JAKMIP1: variants seen among roughly 807,000 people sequenced by gnomAD.
The protein encoded by JAKMIP1 is janus kinase and microtubule-interacting protein 1.
Under a neutral mutation model 113.0 loss-of-function variants are expected in JAKMIP1, and 33 were observed. That is an observed-to-expected ratio of 0.29 (90% CI 0.22 to 0.39). The LOEUF is 0.39. Ranked by LOEUF, JAKMIP1 falls within the 10% of genes least tolerant of loss-of-function variation. The probability of loss-of-function intolerance (pLI) is 1.00; values close to 1 mark genes in which losing one functional copy is unlikely to be tolerated. For synonymous variants in JAKMIP1, 480 were observed against 459.9 expected (o/e 1.04, Z -0.56); for missense variants, 813 against 1,080.5 (o/e 0.75, Z 3.47).
In JAKMIP1 at chr4:6,105,901, T is replaced by C. The variant is rs376076181; in HGVS notation, c.196A>G (p.Thr66Ala). Residue 66 changes from threonine (T) to alanine (A), a missense_variant, in exon 3 of 21, where the codon ACG becomes GCG. Transcript: ENST00000409021. Reference protein sequence around the residue: ...LEREQEQRRHTAYISELKAKL... With the variant: ...LEREQEQRRHAAYISELKAKL... ...GCCTTGAGCTCCGAAATGTAGGCCG[T>C]GTGCCGTCGCTGCTCCTGCTCGCGC... 12 of 1,611,654 alleles carry C rather than the reference T, an allele frequency of 7.4e-6. No homozygotes were observed. The highest frequency in any genetic ancestry group is 1.0e-5 in the Non-Finnish European group (12 of 1,179,644).
rs779873287 is a variant in JAKMIP1 at position 6,152,058 on chromosome 4, G to A, written c.-147-39061C>T. On this transcript the variant is annotated intron_variant, in intron 1 of 20. Coordinates refer to ENST00000409021, the MANE Select transcript of JAKMIP1 (RefSeq NM_001099433.2). ...GTTGGAAAGGAGAAAGGAAGCAGGC[G>A]AAGGAGGAAGGAAGGGAGGGAAGAA... Among the ~76,000 whole-genome samples the A allele has an allele frequency of 7.2e-5, 11 of 151,854 alleles. No individual in the cohort carries two copies. The South Asian group carries it at 1.0e-3, about 14-fold the overall frequency.
rs186692998 is a variant in JAKMIP1 at position 6,108,077 on chromosome 4, G to A, written c.130-2110C>T. Among the ~76,000 whole-genome samples the A allele has an allele frequency of 3.5e-3, 528 of 152,272 alleles. 2 individuals are homozygous for A. Among genetic ancestry groups the A allele is most frequent in the Non-Finnish European group, 5.7e-3 (388 of 68,020 alleles). ...CGTCTAGGGGCTGCTTCCTGGGAGG[G>A]GCAGAGGTGCTGCTGAGGCTGGTGA... On this transcript the variant is annotated intron_variant, in intron 2 of 20. Coordinates refer to ENST00000409021, the MANE Select transcript of JAKMIP1 (RefSeq NM_001099433.2). The surrounding 1 kb of genome is among the most constrained non-coding windows in gnomAD (Gnocchi z 5.6).
At chr4:6,091,556 C>CTGTCTCCATG (rs1578206361) in intron 3 of JAKMIP1, among the ~76,000 whole-genome samples, 1 of 152,218 alleles carries the variant, frequency 6.6e-6, no homozygotes, top group Non-Finnish European at 1.5e-5. Flanking sequence ...CAGTAACCAC[C>CTGTCTCCATG]TGTCCCAGGG....
intron 1 of JAKMIP1, among the ~76,000 whole-genome samples, chr4:6,123,955 G>A (rs764183176): frequency 2.6e-5 from 4 of 152,182 alleles, no homozygotes; most frequent in African/African-American, 9.7e-5. Flanking sequence ...ATAGTTAGAG[G>A]GAGTTTTAAA....
In JAKMIP1 at chr4:6,187,519, C is replaced by A. The variant is rs1335929877; in HGVS notation, c.-148+12734G>T. Among the ~76,000 whole-genome samples the A allele has an allele frequency of 6.6e-6, 1 of 152,198 alleles. No individual in the cohort carries two copies. Among genetic ancestry groups the A allele is most frequent in the Non-Finnish European group, 1.5e-5 (1 of 68,034 alleles). On this transcript the variant is annotated intron_variant, in intron 1 of 20. Coordinates refer to ENST00000409021, the MANE Select transcript of JAKMIP1 (RefSeq NM_001099433.2). This position sits in a 1 kb window ranked among gnomAD's most constrained non-coding sequence, Gnocchi z 4.2. ...AAGTGATTAGGTCACGAGGGCGAGC[C>A]CTCATAAATGAGATTAGTGCCTTTG...
chr4:6,056,626 G>T, intron 12 of JAKMIP1, 71 bp downstream of exon 12: 2 of 1,182,874 alleles, frequency 1.7e-6, no homozygotes, highest in Non-Finnish European at 2.5e-6. Context: ...CACGACCCGT[G>T]TAGTCTGAGC....
At position 6,086,232 on chromosome 4, in the gene JAKMIP1, G is replaced by T. The variant is rs1466034521; in HGVS notation, c.625-603C>A. Among the ~76,000 whole-genome samples the T allele has an allele frequency of 6.6e-6, 1 of 152,116 alleles. No individual in the cohort carries two copies. Among genetic ancestry groups the T allele is most frequent in the South Asian group, 2.1e-4 (1 of 4,824 alleles). On this transcript the variant is annotated intron_variant, in intron 3 of 20. Coordinates refer to ENST00000409021, the MANE Select transcript of JAKMIP1 (RefSeq NM_001099433.2). The surrounding 1 kb of genome is among the most constrained non-coding windows in gnomAD (Gnocchi z 4.1). Reference sequence around the variant, plus strand: ...TTCTATCTTCTTTATAGACTGTCTTGCTCTGGCTCTCATTGAAGCCTGGAG... The same window carrying T: ...TTCTATCTTCTTTATAGACTGTCTTTCTCTGGCTCTCATTGAAGCCTGGAG...
intron 1 of JAKMIP1, among the ~76,000 whole-genome samples, chr4:6,164,287 G>C (rs958854380): frequency 6.6e-6 from 1 of 152,188 alleles, no homozygotes; most frequent in East Asian, 1.9e-4. Flanking sequence ...AGGGCCCTGT[G>C]CTCTAAAAAT....
At chr4:6,072,524 G>GC (rs927101707) in intron 8 of JAKMIP1, among the ~76,000 whole-genome samples, 10 of 152,250 alleles carry the variant, frequency 6.6e-5, no homozygotes, top group African/African-American at 1.7e-4. Flanking sequence ...ACAAGCCCTC[G>GC]CCCCTCCCAG....
At position 6,105,385 on chromosome 4, in the gene JAKMIP1, C is replaced by T. The variant is rs1713727768; in HGVS notation, c.624+88G>A. 4 of 1,341,030 alleles carry T rather than the reference C, an allele frequency of 3.0e-6. No individual in the cohort carries two copies. In the South Asian group the frequency reaches 4.2e-5, roughly 14 times the overall value. 83.1% of individuals were successfully genotyped at this position (1,341,030 alleles called of 1,614,324 possible). A position where few individuals can be genotyped will look rare whatever the true frequency, so the allele number is the denominator to read the frequency against. ...AGTGCTTTGAACAATGCCTGGAGCA[C>T]AGCAGGTCCTCGGAGCTCCGCATTT... On this transcript the variant is annotated intron_variant, in intron 3 of 20. Transcript: ENST00000409021.
Position 6,140,768 on chromosome 4 carries a change from C to A in JAKMIP1, c.-147-27771G>T, listed in dbSNP as rs1162043511. Among the ~76,000 whole-genome samples, 5 of 152,160 alleles carry A rather than the reference C, an allele frequency of 3.3e-5. No homozygotes were observed. Among genetic ancestry groups the A allele is most frequent in the African/African-American group, 1.2e-4 (5 of 41,398 alleles). ...TAATATTTCTCTCGTCTGGTGTCAT[C>A]CTTTGGGCAATAAGAAAGATGCAAT... On this transcript the variant is annotated intron_variant, in intron 1 of 20. Transcript: ENST00000409021. This position sits in a 1 kb window ranked among gnomAD's most constrained non-coding sequence, Gnocchi z 9.4.
At chr4:6,038,818 G>A (rs11933819) in intron 18 of JAKMIP1, among the ~76,000 whole-genome samples, 15 of 152,120 alleles carry the variant, frequency 9.9e-5, no homozygotes, top group Non-Finnish European at 1.8e-4. Context: ...CTCAGCAGCC[G>A]AGCTCCCAGG....
Position 6,044,523 on chromosome 4 carries a change from A to C in JAKMIP1, c.2029-2296T>G, listed in dbSNP as rs1257305680. 6.6e-6 allele frequency among the ~76,000 whole-genome samples: 1 copy of C among 152,222 alleles called. No homozygotes were observed. Among genetic ancestry groups the C allele is most frequent in the East Asian group, 1.9e-4 (1 of 5,178 alleles). ...GCCAGCACTTCCTCAAACAAGGCTC[A>C]GACAAGATGCGTGGTTTCTTAGAAA... On this transcript the variant is annotated intron_variant, in intron 16 of 20. Transcript: ENST00000409021. The surrounding 1 kb of genome is among the most constrained non-coding windows in gnomAD (Gnocchi z 4.4).
At position 6,135,956 on chromosome 4, in the gene JAKMIP1, T is replaced by C. The variant is rs557883603; in HGVS notation, c.-147-22959A>G. On this transcript the variant is annotated intron_variant, in intron 1 of 20. Transcript: ENST00000409021. This position sits in a 1 kb window ranked among gnomAD's most constrained non-coding sequence, Gnocchi z 4.9. ...GAGTGAATGAAGTGTCCCTTCAACATGGACCGAGGCTGGGCACAGTGGCTC... is the reference window on the plus strand; with the variant it reads ...GAGTGAATGAAGTGTCCCTTCAACACGGACCGAGGCTGGGCACAGTGGCTC... Among the ~76,000 whole-genome samples the C allele has an allele frequency of 3.9e-4, 60 of 152,178 alleles. No homozygotes were observed. Among genetic ancestry groups the C allele is most frequent in the African/African-American group, 1.3e-3 (54 of 41,520 alleles).
rs1463729612 is a variant in JAKMIP1, at chr4:6,185,882, T to C, written c.-148+14371A>G. On this transcript the variant is annotated intron_variant, in intron 1 of 20. Transcript: ENST00000409021. The surrounding 1 kb of genome is among the most constrained non-coding windows in gnomAD (Gnocchi z 5.3). ...CCACAGCCAAGTTTTCTATCTAAAC[T>C]ATTAAAACTACATTGAGAAAATATT... Among the ~76,000 whole-genome samples, 1 of 152,222 alleles carries C rather than the reference T, an allele frequency of 6.6e-6. No individual in the cohort carries two copies. Among genetic ancestry groups the C allele is most frequent in the Non-Finnish European group, 1.5e-5 (1 of 68,046 alleles).
intron 16 of JAKMIP1, among the ~76,000 whole-genome samples, chr4:6,046,075 T>A (rs1714951230): frequency 6.6e-6 from 1 of 152,126 alleles, no homozygotes; most frequent in South Asian, 2.1e-4. Context: ...GGCTCTAGGG[T>A]GACCAGCTTG....
In JAKMIP1 at chr4:6,159,167, T is replaced by G. The variant is rs567025114; in HGVS notation, c.-148+41086A>C. 5.3e-5 allele frequency among the ~76,000 whole-genome samples: 8 copies of G among 152,048 alleles called. No homozygotes were observed. In the South Asian group the frequency reaches 1.7e-3, roughly 32 times the overall value. ...TGACCAATAAACACTGGATTAACTC[T>G]GGACAAAAGACTAGCTATTTAGGAA... On this transcript the variant is annotated intron_variant, in intron 1 of 20. Transcript: ENST00000409021.
intron 1 of JAKMIP1, among the ~76,000 whole-genome samples, chr4:6,196,273 C>T (rs1053711989): frequency 6.6e-6 from 1 of 152,174 alleles, no homozygotes; most frequent in African/African-American, 2.4e-5. Context: ...TGCAAGCGCT[C>T]CTGCGTCCCA....
At chr4:6,120,613 C>T (rs1716574794) in intron 1 of JAKMIP1, among the ~76,000 whole-genome samples, 1 of 152,216 alleles carries the variant, frequency 6.6e-6, no homozygotes, top group African/African-American at 2.4e-5. Context: ...TGCTTCTCAT[C>T]AGTTCACATC....
Sources: allele counts gnomAD v4.1 joint callset (sites outside exome capture counted in the v4.1 genomes callset), GRCh38; gene constraint gnomAD v4.1.1; non-coding constraint Gnocchi (gnomAD v3.1); transcripts MANE v1.5; gene names NCBI Gene and HGNC (gene_info 2026-07-23, HGNC 2026-07-21).